TENM2: variants seen among roughly 807,000 people sequenced by gnomAD.
The protein encoded by TENM2 is teneurin transmembrane protein 2, also known as teneurin-2.
TENM2 carries 52 observed loss-of-function variants against 245.2 expected under a neutral mutation model. That is an observed-to-expected ratio of 0.21 (90% CI 0.17 to 0.27). The LOEUF (loss-of-function observed/expected upper bound fraction) is 0.27. TENM2 is among the 10% of genes least tolerant of loss of function. The probability of loss-of-function intolerance (pLI) is 1.00; values close to 1 mark genes in which losing one functional copy is unlikely to be tolerated. For synonymous variants in TENM2, 1,363 were observed against 1,438.9 expected (o/e 0.95, Z 1.19); for missense variants, 3,046 against 3,666.8 (o/e 0.83, Z 4.37).
chr5:168,118,354 A>C, exon 10 of TENM2: 1 of 1,611,464 alleles, frequency 6.2e-7, no homozygotes, highest in South Asian at 1.1e-5. Context: ...CCAGTGCTAC[A>C]GCGGCTGGAA....
chr5:168,062,578 A>G (rs904424067), intron 7 of TENM2, among the ~76,000 whole-genome samples: 4 of 152,208 alleles, frequency 2.6e-5, no homozygotes, highest in African/African-American at 9.6e-5. Context: ...AAACGTATGT[A>G]TCAGTGTTCA....
chr5:167,114,121 C>T, the TENM2 span, among the ~76,000 whole-genome samples: 16 of 152,130 alleles, frequency 1.1e-4, no homozygotes, highest in Non-Finnish European at 1.8e-4. Context: ...AGAGCCACAT[C>T]GATTTTCAGA....
chr5:167,397,285 C>CA (rs1199798010), intron 2 of TENM2, among the ~76,000 whole-genome samples: 1 of 151,054 alleles, frequency 6.6e-6, no homozygotes, highest in Non-Finnish European at 1.5e-5. Flanking sequence ...AAGGCAAACT[C>CA]AAAAAAAATG....
the TENM2 span, among the ~76,000 whole-genome samples, chr5:167,037,743 T>TGACA: frequency 6.6e-6 from 1 of 152,072 alleles, no homozygotes; most frequent in South Asian, 2.1e-4. Flanking sequence ...AAAGGGAAAG[T>TGACA]GACATTTCTT....
chr5:167,904,349 G>A (rs929073468), intron 3 of TENM2, among the ~76,000 whole-genome samples: 8 of 152,086 alleles, frequency 5.3e-5, no homozygotes, highest in Non-Finnish European at 1.0e-4. Flanking sequence ...CTATGTCTTG[G>A]TTTCTTCATT....
At chr5:167,211,838 A>G in the TENM2 span, among the ~76,000 whole-genome samples, 1 of 152,166 alleles carries the variant, frequency 6.6e-6, no homozygotes, top group African/African-American at 2.4e-5. Flanking sequence ...GTCATATATA[A>G]TGTATTGACA....
intron 3 of TENM2, among the ~76,000 whole-genome samples, chr5:167,878,573 C>CTG (rs10573629): frequency 0.012 from 1,734 of 150,120 alleles, 34 homozygotes; most frequent in African/African-American, 0.039. Context: ...GTGCTCACGT[C>CTG]TGTGTGTGTG....
intron 2 of TENM2, among the ~76,000 whole-genome samples, chr5:167,762,788 A>G (rs866527163): frequency 1.3e-5 from 2 of 152,224 alleles, no homozygotes; most frequent in African/African-American, 4.8e-5. Context: ...TTAAGTTTAC[A>G]TAGAGGTTGC....
At chr5:167,705,405 C>G (rs2150458678) in intron 2 of TENM2, among the ~76,000 whole-genome samples, 1 of 152,230 alleles carries the variant, frequency 6.6e-6, no homozygotes, top group East Asian at 1.9e-4. Context: ...CTGCACCACC[C>G]ACACACCCTG....
chr5:167,257,149 A>G, the TENM2 span, among the ~76,000 whole-genome samples: 6 of 152,282 alleles, frequency 3.9e-5, no homozygotes, highest in East Asian at 5.8e-4. Flanking sequence ...TTAAGGCACT[A>G]TATCAATAAA....
intron 2 of TENM2, among the ~76,000 whole-genome samples, chr5:167,445,306 T>G (rs1765094289): frequency 7.5e-6 from 1 of 134,052 alleles, no homozygotes; most frequent in Non-Finnish European, 1.6e-5. Flanking sequence ...TTATAAACCA[T>G]ATGATTATAT....
chr5:167,688,785 C>T (rs1296930167), intron 2 of TENM2, among the ~76,000 whole-genome samples: 1 of 152,184 alleles, frequency 6.6e-6, no homozygotes, highest in East Asian at 1.9e-4. Context: ...ACAAAATAAA[C>T]ACCATCTGTT....
chr5:167,906,236 G>C (rs1776076998), intron 3 of TENM2, among the ~76,000 whole-genome samples: 1 of 152,170 alleles, frequency 6.6e-6, no homozygotes, highest in African/African-American at 2.4e-5. Context: ...ACACAGTTCA[G>C]ATTTAACACT....
intron 2 of TENM2, among the ~76,000 whole-genome samples, chr5:167,388,488 T>G (rs1263105606): frequency 6.6e-6 from 1 of 152,164 alleles, no homozygotes; most frequent in African/African-American, 2.4e-5. Context: ...TGTATTTTTT[T>G]GTTGCAATTT....
intron 2 of TENM2, among the ~76,000 whole-genome samples, chr5:167,680,054 A>G (rs1240017435): frequency 6.6e-6 from 1 of 152,250 alleles, no homozygotes; most frequent in Middle Eastern, 3.4e-3. Flanking sequence ...TTTAAGACAC[A>G]GGCTTTGGAG....
chr5:167,475,767 T>C (rs12153122), intron 2 of TENM2, among the ~76,000 whole-genome samples: 1 of 151,820 alleles, frequency 6.6e-6, no homozygotes, highest in Admixed American at 6.6e-5. Context: ...TCTGTTCCTG[T>C]GTTAGTTTGC....
intron 2 of TENM2, among the ~76,000 whole-genome samples, chr5:167,618,885 T>G (rs1777971652): frequency 6.6e-6 from 1 of 152,158 alleles, no homozygotes; most frequent in African/African-American, 2.4e-5. Flanking sequence ...CTAGGAGTCC[T>G]AAAAATTTAC....
chr5:167,021,294 A>T, the TENM2 span, among the ~76,000 whole-genome samples: 10 of 152,234 alleles, frequency 6.6e-5, no homozygotes, highest in Admixed American at 6.5e-4. Flanking sequence ...ATTTGGAGGA[A>T]GTCATTATAT....
the TENM2 span, among the ~76,000 whole-genome samples, chr5:167,119,039 C>A: frequency 6.6e-6 from 1 of 152,210 alleles, no homozygotes; most frequent in Admixed American, 6.5e-5. Context: ...TAAGAACCAC[C>A]TGGGTCACAT....
Sources: allele counts gnomAD v4.1 joint callset (sites outside exome capture counted in the v4.1 genomes callset), GRCh38; gene constraint gnomAD v4.1.1; transcripts MANE v1.5; gene names NCBI Gene and HGNC (gene_info 2026-07-23, HGNC 2026-07-21).